Variants in ST6GALNAC3 observed in about 807,000 individuals in gnomAD.
ST6GALNAC3 encodes ST6 N-acetylgalactosaminide alpha-2,6-sialyltransferase 3.
Under a neutral mutation model 32.7 loss-of-function variants are expected in ST6GALNAC3, and 25 were observed. The ratio of observed to expected loss-of-function variants is 0.76; its 90% CI spans 0.56 to 1.07. The LOEUF (loss-of-function observed/expected upper bound fraction) is 1.07. Ranked by LOEUF, ST6GALNAC3 falls within the 50% of genes least tolerant of loss-of-function variation. The pLI is 0.00. For synonymous variants in ST6GALNAC3, 129 were observed against 133.1 expected (o/e 0.97, Z 0.21); for missense variants, 355 against 382.4 (o/e 0.93, Z 0.60).
chr1:76,332,327 C>A (rs1270925649), intron 2 of ST6GALNAC3, among the ~76,000 whole-genome samples: 1 of 152,130 alleles, frequency 6.6e-6, no homozygotes, highest in Non-Finnish European at 1.5e-5. Flanking sequence ...CATGTACTTT[C>A]TTTTTCCAGT....
chr1:76,133,972 C>G (rs982870124), intron 1 of ST6GALNAC3, among the ~76,000 whole-genome samples: 1 of 152,202 alleles, frequency 6.6e-6, no homozygotes, highest in South Asian at 2.1e-4. Flanking sequence ...AATCCCAGCA[C>G]TCCATCTAGT....
At chr1:76,189,612 C>T (rs1653779204) in intron 1 of ST6GALNAC3, among the ~76,000 whole-genome samples, 2 of 152,134 alleles carry the variant, frequency 1.3e-5, no homozygotes, top group South Asian at 4.1e-4. Context: ...AATCCAATAA[C>T]AACAACAAGA....
At chr1:76,530,189 C>T (rs958805544) in intron 3 of ST6GALNAC3, among the ~76,000 whole-genome samples, 4 of 152,108 alleles carry the variant, frequency 2.6e-5, no homozygotes, top group Non-Finnish European at 5.9e-5. Flanking sequence ...GCCTTATTTG[C>T]TCAGCAAGGT....
chr1:76,334,286 A>T (rs962347033), intron 2 of ST6GALNAC3, among the ~76,000 whole-genome samples: 1 of 152,124 alleles, frequency 6.6e-6, no homozygotes, highest in Non-Finnish European at 1.5e-5. Context: ...TCTAGTTTGA[A>T]CTCAAGGTGA....
At chr1:76,594,234 A>G (rs559600048) in intron 3 of ST6GALNAC3, among the ~76,000 whole-genome samples, 17 of 152,338 alleles carry the variant, frequency 1.1e-4, no homozygotes, top group African/African-American at 3.8e-4. Flanking sequence ...CATATCCAGA[A>G]CTATTTTTTT....
intron 1 of ST6GALNAC3, among the ~76,000 whole-genome samples, chr1:76,092,380 C>T (rs995587979): frequency 1.3e-5 from 2 of 152,214 alleles, no homozygotes; most frequent in Admixed American, 1.3e-4. Flanking sequence ...TTATAATTGA[C>T]TATGAATGCC....
chr1:76,235,398 T>C (rs1245290700), intron 1 of ST6GALNAC3, among the ~76,000 whole-genome samples: 1 of 151,994 alleles, frequency 6.6e-6, no homozygotes, highest in African/African-American at 2.4e-5. Context: ...TCCAAGCTAC[T>C]TGGGCAGCTA....
intron 2 of ST6GALNAC3, among the ~76,000 whole-genome samples, chr1:76,332,733 C>A (rs542014783): frequency 6.6e-6 from 1 of 152,140 alleles, no homozygotes; most frequent in Non-Finnish European, 1.5e-5. Flanking sequence ...TCTCTCATTG[C>A]GCCCTGTACC....
intron 1 of ST6GALNAC3, among the ~76,000 whole-genome samples, chr1:76,147,932 C>G (rs1388371997): frequency 1.3e-5 from 2 of 152,146 alleles, no homozygotes; most frequent in Non-Finnish European, 2.9e-5. Flanking sequence ...ACCCTTCTCT[C>G]TTTGTATGGG....
intron 3 of ST6GALNAC3, among the ~76,000 whole-genome samples, chr1:76,597,610 G>A (rs2100612223): frequency 1.3e-5 from 2 of 152,160 alleles, no homozygotes; most frequent in South Asian, 4.1e-4. Flanking sequence ...GTTTCTGCTT[G>A]TGATACTTGT....
At chr1:76,368,604 C>T (rs560686288) in intron 2 of ST6GALNAC3, among the ~76,000 whole-genome samples, 1 of 152,054 alleles carries the variant, frequency 6.6e-6, no homozygotes, top group East Asian at 1.9e-4. Flanking sequence ...CTGCTGAATC[C>T]CTGGCACCTA....
chr1:76,448,223 G>C (rs1175061112), intron 3 of ST6GALNAC3, among the ~76,000 whole-genome samples: 1 of 152,056 alleles, frequency 6.6e-6, no homozygotes, highest in African/African-American at 2.4e-5. Flanking sequence ...GCCCTGCTGG[G>C]GACTTCCATG....
At chr1:76,258,654 C>G (rs535038751) in intron 1 of ST6GALNAC3, among the ~76,000 whole-genome samples, 1 of 152,048 alleles carries the variant, frequency 6.6e-6, no homozygotes, top group African/African-American at 2.4e-5. Context: ...CTTTTGAGTT[C>G]CTACTATATA....
intron 3 of ST6GALNAC3, among the ~76,000 whole-genome samples, chr1:76,477,602 A>T (rs911599799): frequency 2.6e-5 from 4 of 152,120 alleles, no homozygotes; most frequent in Non-Finnish European, 5.9e-5. Flanking sequence ...GAAGCAGCTC[A>T]AGATCACGAA....
chr1:76,153,250 C>T (rs1336087995), intron 1 of ST6GALNAC3, among the ~76,000 whole-genome samples: 1 of 152,076 alleles, frequency 6.6e-6, no homozygotes, highest in Non-Finnish European at 1.5e-5. Flanking sequence ...ATAGCTATTG[C>T]CTATTTGCAT....
intron 3 of ST6GALNAC3, among the ~76,000 whole-genome samples, chr1:76,554,405 C>G (rs1376997679): frequency 6.6e-6 from 1 of 152,060 alleles, no homozygotes; most frequent in African/African-American, 2.4e-5. Flanking sequence ...CAGTTTTACT[C>G]AGCTTCAAAA....
chr1:76,486,173 T>C (rs1195850241), intron 3 of ST6GALNAC3, among the ~76,000 whole-genome samples: 1 of 152,208 alleles, frequency 6.6e-6, no homozygotes, highest in African/African-American at 2.4e-5. Context: ...ATAAGTGCGA[T>C]GTGGTGATGA....
intron 3 of ST6GALNAC3, among the ~76,000 whole-genome samples, chr1:76,581,269 G>A (rs528562041): frequency 1.3e-5 from 2 of 152,126 alleles, no homozygotes; most frequent in Non-Finnish European, 2.9e-5. Context: ...TTTTTACTAA[G>A]GAATGTTGAT....
At chr1:76,491,228 C>T (rs901041908) in intron 3 of ST6GALNAC3, among the ~76,000 whole-genome samples, 1 of 152,096 alleles carries the variant, frequency 6.6e-6, no homozygotes, top group Non-Finnish European at 1.5e-5. Context: ...GGAGTTGAAG[C>T]AAGAGGGTTG....
Sources: gnomAD v4.1 joint callset for allele counts (sites outside exome capture counted in the v4.1 genomes callset) on GRCh38, gnomAD v4.1.1 for gene constraint, MANE v1.5 for transcripts, NCBI Gene and HGNC (gene_info 2026-07-23, HGNC 2026-07-21) for gene names.